ZCCHC8: variants seen among roughly 807,000 people sequenced by gnomAD.
The protein encoded by ZCCHC8 is zinc finger CCHC domain-containing protein 8.
ZCCHC8 carries 27 observed loss-of-function variants against 70.6 expected under a neutral mutation model. The observed-to-expected ratio is 0.38, with a 90% CI of 0.28 to 0.53. ZCCHC8 has a LOEUF of 0.53. Among genes scored for constraint, ZCCHC8 ranks in the 20% least tolerant of loss-of-function variants. The pLI is 0.81. For missense variants in ZCCHC8, 737 were observed against 876.9 expected (o/e 0.84, Z 2.01); for synonymous variants, 293 against 317.4 (o/e 0.92, Z 0.82).
At chr12:122,477,692 G>C in intron 13 of ZCCHC8, 149 bp downstream of exon 13, 1 of 650,500 alleles carries the variant, frequency 1.5e-6, no homozygotes, top group Non-Finnish European at 2.7e-6. Context: ...TCGGGAGGCT[G>C]AGGCGGGAGA....
At chr12:122,495,473 AGAGT>A (rs1957811878) in intron 2 of ZCCHC8, among the ~76,000 whole-genome samples, 1 of 152,230 alleles carries the variant, frequency 6.6e-6, no homozygotes, top group Non-Finnish European at 1.5e-5. Context: ...CCTGGGCAAC[AGAGT>A]GAGACTCTGG....
chr12:122,482,638 T>G lies in ZCCHC8; in HGVS notation c.729A>C (p.Pro243=). Reference sequence around the variant, plus strand: ...TCTTAACATGAGAAAAATTTACCATTGGGCAATCTTTCATTTGGTGTTCTT... The same window carrying G: ...TCTTAACATGAGAAAAATTTACCATGGGGCAATCTTTCATTTGGTGTTCTT... The part of the protein sequence containing the change: ...GSEEHQMKDC[P]MPRNAARISE... The change falls in exon 8 of 14, where the codon CCA becomes CCC. Residue 243 remains proline (P), a synonymous_variant. Coordinates refer to ENST00000633063, the MANE Select transcript of ZCCHC8 (RefSeq NM_017612.5). The G allele has an allele frequency of 6.2e-6, 10 of 1,604,180 alleles. No homozygotes were observed. Among genetic ancestry groups the G allele is most frequent in the Non-Finnish European group, 8.5e-6 (10 of 1,174,522 alleles).
intron 11 of ZCCHC8, among the ~76,000 whole-genome samples, chr12:122,479,179 G>T (rs1201321134): frequency 6.6e-6 from 1 of 152,184 alleles, no homozygotes; most frequent in Non-Finnish European, 1.5e-5. Flanking sequence ...TGGTTCAAGT[G>T]ATTCTTCTGC....
At chr12:122,498,381 G>A (rs531880728) in intron 2 of ZCCHC8, among the ~76,000 whole-genome samples, 28 of 151,766 alleles carry the variant, frequency 1.8e-4, no homozygotes, top group African/African-American at 6.5e-4. Context: ...CGCCCACCTC[G>A]GCCTCCCAAA....
chr12:122,498,949 G>T (rs1471159784), intron 1 of ZCCHC8, 80 bp from the exon 2 acceptor site: 68 of 1,290,990 alleles, frequency 5.3e-5, no homozygotes, highest in Non-Finnish European at 7.1e-5. Context: ...CTCACTTTTG[G>T]TGTCAGAATA....
chr12:122,472,734 G>C lies in ZCCHC8; in HGVS notation c.*763C>G, dbSNP rs1380290364. 1 of 152,124 alleles carries C rather than the reference G, an allele frequency of 6.6e-6. No homozygotes were observed. Among genetic ancestry groups the C allele is most frequent in the Admixed American group, 6.6e-5 (1 of 15,260 alleles). 9.4% of individuals were successfully genotyped at this position (152,124 alleles called of 1,614,324 possible). A position where few individuals can be genotyped will look rare whatever the true frequency, so the allele number is the denominator to read the frequency against. ...AGCTACTCCGGAGGCTGAGGCAGGA[G>C]AATCGCTTAAACTCGGGAGGCGGAG... On this transcript the variant is annotated 3_prime_UTR_variant, in exon 14 of 14. Coordinates refer to ENST00000633063, the MANE Select transcript of ZCCHC8 (RefSeq NM_017612.5).
chr12:122,483,805 C>T lies in ZCCHC8; in HGVS notation c.502-242G>A. The stretch of plus-strand genomic sequence containing the variant: ...TCATGACTATCAGCTGCATTCTCTA[C>T]AGAATTCAAACAAAAAATGAAAACC... On this transcript the variant is annotated intron_variant, in intron 5 of 13. Transcript: ENST00000633063. This position sits in a 1 kb window ranked among gnomAD's most constrained non-coding sequence, Gnocchi z 4.4. 2.5e-6 allele frequency: 1 copy of T among 401,050 alleles called. No homozygotes were observed. Among genetic ancestry groups the T allele is most frequent in the Non-Finnish European group, 4.4e-6 (1 of 226,848 alleles). 24.8% of individuals were successfully genotyped at this position (401,050 alleles called of 1,614,324 possible).
At chr12:122,487,873 T>A (rs868113496) in intron 5 of ZCCHC8, among the ~76,000 whole-genome samples, 1 of 144,156 alleles carries the variant, frequency 6.9e-6, no homozygotes, top group Admixed American at 6.7e-5. Context: ...ATATATATAT[T>A]TTGTTTGTTT....
At position 122,478,233 on chromosome 12, in the gene ZCCHC8, G is replaced by A. The variant is rs1203036235; in HGVS notation, c.1200C>T (p.Ala400=). The A allele has an allele frequency of 1.2e-6, 2 of 1,601,894 alleles. No homozygotes were observed. Among genetic ancestry groups the A allele is most frequent in the African/African-American group, 1.3e-5 (1 of 74,710 alleles). The part of the protein sequence containing the change: ...MQACQQKDVF[A]NYLTSNFQAP... ...CTTGGAAGTTAGAAGTAAGGTAATT[G>A]GCAAACACATCCTTCTGCTGACATG... is the stretch of plus-strand genomic sequence containing the variant. Residue 400 remains alanine (A), a synonymous_variant, in exon 12 of 14, where the codon GCC becomes GCT. Coordinates refer to ENST00000633063, the MANE Select transcript of ZCCHC8 (RefSeq NM_017612.5).
intron 11 of ZCCHC8, among the ~76,000 whole-genome samples, chr12:122,479,369 G>A (rs1046595912): frequency 2.6e-5 from 4 of 152,174 alleles, no homozygotes; most frequent in South Asian, 2.1e-4. Context: ...GGGCCACTGC[G>A]CCGGCCAAGA....
chr12:122,478,104 G>T, intron 12 of ZCCHC8, 102 bp downstream of exon 12: 1 of 1,281,246 alleles, frequency 7.8e-7, no homozygotes, highest in Non-Finnish European at 1.1e-6. Flanking sequence ...CTTTTGGTTT[G>T]TCAAGATAAC....
chr12:122,488,795 C>T (rs914375533), intron 5 of ZCCHC8, among the ~76,000 whole-genome samples: 10 of 150,164 alleles, frequency 6.7e-5, no homozygotes, highest in East Asian at 2.0e-4. Context: ...TGCTTGAACC[C>T]GGGAGGCGGA....
At chr12:122,482,247 TAAGG>T in intron 8 of ZCCHC8, 160 bp from the exon 9 acceptor site, 1 of 705,870 alleles carries the variant, frequency 1.4e-6, no homozygotes, top group Admixed American at 3.5e-5. Flanking sequence ...GAAAAATACG[TAAGG>T]AAAGGAGCAG....
Position 122,483,533 on chromosome 12 carries a change from A to G in ZCCHC8, c.532T>C (p.Phe178Leu), listed in dbSNP as rs778420453. ...VVGSVLYFTNFCLDKLGQPLL... is the reference protein window; with the variant it reads ...VVGSVLYFTNLCLDKLGQPLL... ...GGTTGCCCCAATTTATCAAGGCAAA[A>G]ATTAGTAAAATACAGGACACTTCCT... Residue 178 changes from phenylalanine (F) to leucine (L), a missense_variant, in exon 6 of 14, where the codon TTT becomes CTT. Transcript: ENST00000633063. The surrounding 1 kb of genome is among the most constrained non-coding windows in gnomAD (Gnocchi z 4.4). The G allele has an allele frequency of 1.3e-6, 2 of 1,588,954 alleles. No individual in the cohort carries two copies.
chr12:122,477,386 C>T (rs1282856336), intron 13 of ZCCHC8, among the ~76,000 whole-genome samples: 1 of 150,922 alleles, frequency 6.6e-6, no homozygotes, highest in East Asian at 2.0e-4. Flanking sequence ...GATCTCCTTA[C>T]CTTGTGACCC....
chr12:122,474,368 T>C, intron 13 of ZCCHC8, 93 bp from the exon 14 acceptor site: 1 of 1,169,420 alleles, frequency 8.6e-7, no homozygotes, highest in Non-Finnish European at 1.1e-6. Context: ...ATCCAGTAAT[T>C]CAATGGCCAA....
Position 122,472,747 on chromosome 12 carries a change from T to C in ZCCHC8, c.*750A>G. 1 of 151,908 alleles carries C rather than the reference T, an allele frequency of 6.6e-6. No homozygotes were observed. Among genetic ancestry groups the C allele is most frequent in the Non-Finnish European group, 1.5e-5 (1 of 68,040 alleles). The allele number at this position is 151,908 out of a possible 1,614,324, so 9.4% of individuals were successfully genotyped here. A position where few individuals can be genotyped will look rare whatever the true frequency, so the allele number is the denominator to read the frequency against. On this transcript the variant is annotated 3_prime_UTR_variant, in exon 14 of 14. Transcript: ENST00000633063. ...GCTGAGGCAGGAGAATCGCTTAAAC[T>C]CGGGAGGCGGAGGTTGCGGTGAGCC...
At chr12:122,477,984 A>T in intron 12 of ZCCHC8, 26 bp from the exon 13 acceptor site, 1 of 1,536,772 alleles carries the variant, frequency 6.5e-7, no homozygotes, top group Non-Finnish European at 9.0e-7. Context: ...GACCAAACAC[A>T]AGTTAAGCGG....
At position 122,483,364 on chromosome 12, in the gene ZCCHC8, G is replaced by A; in HGVS notation, c.606-20C>T. 6.3e-7 allele frequency: 1 copy of A among 1,584,472 alleles called. No homozygotes were observed. Among genetic ancestry groups the A allele is most frequent in the Non-Finnish European group, 8.6e-7 (1 of 1,163,692 alleles). On this transcript the variant is annotated intron_variant, in intron 6 of 13. Coordinates refer to ENST00000633063, the MANE Select transcript of ZCCHC8 (RefSeq NM_017612.5). This position sits in a 1 kb window ranked among gnomAD's most constrained non-coding sequence, Gnocchi z 4.4. ...TGGTACCTTTAGTGAATTTTATTAA[G>A]GAATAGTTATCATGGTCTGCAAAAT...
Sources: gnomAD v4.1 joint callset for allele counts (sites outside exome capture counted in the v4.1 genomes callset) on GRCh38, gnomAD v4.1.1 for gene constraint, Gnocchi (gnomAD v3.1) non-coding constraint, MANE v1.5 for transcripts, NCBI Gene and HGNC (gene_info 2026-07-23, HGNC 2026-07-21) for gene names.